The following CIC variants were observed in gnomAD, a reference collection of about 807,000 sequenced individuals.
CIC encodes capicua transcriptional repressor.
CIC carries 18 observed loss-of-function variants against 115.7 expected under a neutral mutation model. The observed-to-expected ratio is 0.16, with a 90% CI of 0.11 to 0.23. The LOEUF is 0.23. Ranked by LOEUF, CIC falls within the 10% of genes least tolerant of loss-of-function variation. The pLI, the probability that CIC is intolerant of heterozygous loss-of-function variation, is 1.00. For missense variants in CIC, 2,000 were observed against 2,159.3 expected, an observed-to-expected ratio of 0.93 and a Z score of 1.46; for synonymous variants, 1,076 against 923.0, an observed-to-expected ratio of 1.17 and a Z score of -3.01.
Position 42,295,144 on chromosome 19 carries a change from C to CGGGG in CIC, c.7507_7508insGGGG (p.Pro2503ArgfsTer21). On this transcript the variant is annotated frameshift_variant, in exon 21 of 21. Coordinates refer to ENST00000681038, the MANE Select transcript of CIC (RefSeq NM_001386298.1). LOFTEE classifies it high-confidence loss of function. ...GCCTGGCTGGGAGGGGGCTCCCCAG[C>CGGGG]CCTCCCCCCCACCCCCAGGTCCCTC... The CGGGG allele has an allele frequency of 2.0e-6, 1 of 492,776 alleles. No homozygotes were observed. The highest frequency in any genetic ancestry group is 3.4e-6 in the Non-Finnish European group (1 of 295,014). 30.5% of individuals were successfully genotyped at this position (492,776 alleles called of 1,614,324 possible).
intron 8 of CIC, 32 bp from the exon 9 acceptor site, chr19:42,289,149 C>T (rs2147230941): frequency 3.1e-6 from 5 of 1,613,208 alleles, no homozygotes; most frequent in Non-Finnish European, 4.2e-6. Flanking sequence ...GGCAGCAGCC[C>T]CGCTGAACCC....
chr19:42,281,419 C>T (rs1018835993), intron 2 of CIC, among the ~76,000 whole-genome samples: 1 of 152,198 alleles, frequency 6.6e-6, no homozygotes, highest in Non-Finnish European at 1.5e-5. Flanking sequence ...CGTCTGGGTT[C>T]CCTGTCCCCA....
chr19:42,285,589 A>G (rs2037579462), intron 2 of CIC, among the ~76,000 whole-genome samples: 1 of 152,196 alleles, frequency 6.6e-6, no homozygotes, highest in South Asian at 2.1e-4. Flanking sequence ...TTCTGAAGGC[A>G]TGGGGAGGTC....
At chr19:42,289,791 C>A in intron 9 of CIC, 57 bp from the exon 10 acceptor site, 1 of 1,406,392 alleles carries the variant, frequency 7.1e-7, no homozygotes, top group Non-Finnish European at 9.9e-7. Flanking sequence ...CAGACTGTTT[C>A]TCCTGGGTCC....
chr19:42,291,601 A>G lies in CIC; in HGVS notation c.5469A>G (p.Ser1823=), dbSNP rs1368767910. ...TGCAGGCCCCGCCCCCGGGTGGCTC[A>G]GCCCAGCTGCTGCCTGGGAAGGTCC... ...SPVQAPPPGG[S]AQLLPGKVLV... Residue 1823 remains serine (S), a synonymous_variant, in exon 12 of 21, where the codon TCA becomes TCG. Coordinates refer to ENST00000681038, the MANE Select transcript of CIC (RefSeq NM_001386298.1). The G allele has an allele frequency of 6.2e-7, 1 of 1,612,870 alleles. No homozygotes were observed. The highest frequency in any genetic ancestry group is 1.3e-5 in the African/African-American group (1 of 74,904).
chr19:42,269,126 G>C (rs1437578749), upstream of CIC: 1 of 152,140 alleles, frequency 6.6e-6, no homozygotes, highest in South Asian at 2.1e-4. Flanking sequence ...TGGTCGCCGC[G>C]AGCGTCGCTC....
chr19:42,288,786 C>A (rs1038391163), intron 7 of CIC, 102 bp from the exon 8 acceptor site: 1 of 1,067,400 alleles, frequency 9.4e-7, no homozygotes, highest in Non-Finnish European at 1.4e-6. Context: ...AAATTCCAGC[C>A]TGCTTCTGCC....
rs143474767 is a variant in CIC, at chr19:42,289,029, G to A, written c.3800G>A (p.Ser1267Asn). The A allele has an allele frequency of 2.5e-6, 4 of 1,613,704 alleles. No homozygotes were observed. Among genetic ancestry groups the A allele is most frequent in the Non-Finnish European group, 3.4e-6 (4 of 1,180,058 alleles). ...GSARPRAFSH[S>N]GVHSLDGGEV... ...GCCCGGCCCCGAGCTTTCTCCCACA[G>A]CGGGGTACACAGCCTGGACGGCGGA... is the stretch of plus-strand genomic sequence containing the variant. The change falls in exon 8 of 21, where the codon AGC (serine) becomes AAC (asparagine). Residue 1267 changes from serine to asparagine, a missense_variant. Physicochemically the swap from Ser to Asn is conservative, Grantham distance 46 (BLOSUM62 1). This residue lies in a region of CIC where 1,466 missense variants were observed against 1,390.4 expected (regional missense o/e 1.05). Coordinates refer to ENST00000681038, the MANE Select transcript of CIC (RefSeq NM_001386298.1).
rs1294352880 is a variant in CIC at position 42,292,137 on chromosome 19, C to A, written c.5665C>A (p.Pro1889Thr). Residue 1889 changes from proline to threonine, a missense_variant, in exon 13 of 21, where the codon CCC (proline) becomes ACC (threonine). Coordinates refer to ENST00000681038, the MANE Select transcript of CIC (RefSeq NM_001386298.1). ...PVSTPSGLVPPLSPATLPGPT... is the reference protein window; with the variant it reads ...PVSTPSGLVPTLSPATLPGPT... ...GAGCACACCCAGCGGCCTGGTGCCG[C>A]CCCTGAGCCCAGCCACACTCCCTGG... The A allele has an allele frequency of 3.1e-6, 5 of 1,613,916 alleles. No individual in the cohort carries two copies. The highest frequency in any genetic ancestry group is 1.1e-5 in the South Asian group (1 of 91,082).
intron 7 of CIC, 139 bp from the exon 8 acceptor site, chr19:42,288,749 G>GT (rs111511162): frequency 0.048 from 22,718 of 472,306 alleles, 23 homozygotes; most frequent in Middle Eastern, 0.057. Flanking sequence ...GTGGGTGGTG[G>GT]TTTTTTTTTT....
chr19:42,276,636 G>A (rs188993954), intron 2 of CIC, among the ~76,000 whole-genome samples: 94 of 152,308 alleles, frequency 6.2e-4, no homozygotes, highest in African/African-American at 2.2e-3. Flanking sequence ...GTTTCACCCT[G>A]ACACCAACAT....
intron 2 of CIC, among the ~76,000 whole-genome samples, chr19:42,279,760 G>A (rs779575227): frequency 5.3e-5 from 8 of 152,348 alleles, no homozygotes; most frequent in South Asian, 4.1e-4. Context: ...CTAGGTGTCA[G>A]AGACCCCTGG....
intron 2 of CIC, among the ~76,000 whole-genome samples, chr19:42,285,323 AGAG>A (rs1001271265): frequency 1.1e-4 from 17 of 152,078 alleles, no homozygotes; most frequent in African/African-American, 3.9e-4. Context: ...CCCCCAGAAA[AGAG>A]GAGGCCTTGA....
In CIC at chr19:42,291,634, T is replaced by C. The variant is rs2147280072; in HGVS notation, c.5502T>C (p.Pro1834=). Residue 1834 remains proline (P), a synonymous_variant, in exon 12 of 21, where the codon CCT becomes CCC. Transcript: ENST00000681038. ...AQLLPGKVLV[P]LAAPSMSVRG... ...TGCTGCCTGGGAAGGTCCTAGTGCC[T>C]CTGGCCGCCCCTAGCATGTCAGTGC... 1.9e-6 allele frequency: 3 copies of C among 1,612,974 alleles called. No homozygotes were observed. The highest frequency in any genetic ancestry group is 1.7e-5 in the Admixed American group (1 of 60,020).
Position 42,274,075 on chromosome 19 carries a change from C to T in CIC, c.2292C>T (p.Phe764=). Residue 764 remains phenylalanine (F), a synonymous_variant, in exon 2 of 21, where the codon TTC becomes TTT. Transcript: ENST00000681038. ...CTACACCCTCCACGCCGGCTGGCTT[C>T]CGGGCCGTGTCCCCTGCTGTGCCCT... is the stretch of plus-strand genomic sequence containing the variant. The part of the protein sequence containing the change: ...HTPTPSTPAG[F]RAVSPAVPFS... The T allele has an allele frequency of 7.5e-6, 3 of 399,726 alleles. No individual in the cohort carries two copies. Among genetic ancestry groups the T allele is most frequent in the Non-Finnish European group, 1.3e-5 (3 of 226,748 alleles). The allele number at this position is 399,726 out of a possible 1,614,324, so 24.8% of individuals were successfully genotyped here.
rs2147194829 is a variant in CIC, at chr19:42,287,542, C to G, written c.3310-3C>G. The G allele has an allele frequency of 6.2e-7, 1 of 1,613,110 alleles. No individual in the cohort carries two copies. Among genetic ancestry groups the G allele is most frequent in the Non-Finnish European group, 8.5e-7 (1 of 1,180,040 alleles). On this transcript the variant is annotated splice_region_variant and splice_polypyrimidine_tract_variant and intron_variant, in intron 5 of 20. Transcript: ENST00000681038. The surrounding 1 kb of genome is among the most constrained non-coding windows in gnomAD (Gnocchi z 8.7). ...GTCCCGCTCTGGGCTGTGTTTAATG[C>G]AGCGGGAGAAGGACCACATCCGGCG...
intron 2 of CIC, among the ~76,000 whole-genome samples, chr19:42,286,100 A>G (rs1308607631): frequency 1.3e-5 from 2 of 152,070 alleles, no homozygotes; most frequent in Admixed American, 6.5e-5. Flanking sequence ...CGATTTCTGG[A>G]TGGTGCATTG....
intron 2 of CIC, among the ~76,000 whole-genome samples, chr19:42,283,573 G>T (rs2037365751): frequency 6.6e-6 from 1 of 152,134 alleles, no homozygotes; most frequent in Non-Finnish European, 1.5e-5. Flanking sequence ...GTGTGAGTGT[G>T]AGTAGGTGAG....
At chr19:42,284,354 C>T (rs1303656790) in intron 2 of CIC, 2 of 146,764 alleles carry the variant, frequency 1.4e-5, no homozygotes, top group African/African-American at 2.5e-5. Flanking sequence ...CCTGCCCCGC[C>T]CGCCGGACTC....
Sources: gnomAD v4.1 joint callset for allele counts (sites outside exome capture counted in the v4.1 genomes callset) on GRCh38, gnomAD v4.1.1 for gene constraint, gnomAD v4.1.1 regional missense constraint, Gnocchi (gnomAD v3.1) non-coding constraint, MANE v1.5 for transcripts, NCBI Gene and HGNC (gene_info 2026-07-23, HGNC 2026-07-21) for gene names.